Variants in ACIN1 observed in about 807,000 individuals in gnomAD.
ACIN1 encodes the protein apoptotic chromatin condensation inducer 1.
In ACIN1, 16 loss-of-function variants were observed where a neutral mutation model predicts 146.6. That is an observed-to-expected ratio of 0.11 (90% confidence interval 0.07 to 0.17). The LOEUF (loss-of-function observed/expected upper bound fraction) is 0.17. Ranked by LOEUF, ACIN1 falls within the 10% of genes least tolerant of loss-of-function variation. ACIN1 has a pLI of 1.00. For missense variants in ACIN1, 1,357 were observed against 1,609.3 expected, an observed-to-expected ratio of 0.84 and a Z score of 2.68; for synonymous variants, 569 against 582.7, an observed-to-expected ratio of 0.98 and a Z score of 0.34.
At chr14:23,095,422 C>A, upstream of ACIN1, 1 of 1,189,078 alleles carries the variant, frequency 8.4e-7, no homozygotes, top group Non-Finnish European at 1.2e-6. Flanking sequence ...TAACCATAAT[C>A]GGAGATGTTC....
chr14:23,064,908 A>AAAAAAG (rs2047403192), intron 10 of ACIN1, among the ~76,000 whole-genome samples: 1 of 151,832 alleles, frequency 6.6e-6, no homozygotes, highest in South Asian at 2.1e-4. Context: ...AAAAAAAAAA[A>AAAAAAG]AGAAAAGAAA....
chr14:23,063,597 C>A lies in ACIN1; in HGVS notation c.2596-20G>T, dbSNP rs1421477172. 2 of 1,613,534 alleles carry A rather than the reference C, an allele frequency of 1.2e-6. No individual in the cohort carries two copies. Among genetic ancestry groups the A allele is most frequent in the East Asian group, 4.5e-5 (2 of 44,898 alleles). On this transcript the variant is annotated intron_variant, in intron 12 of 18. Transcript: ENST00000605057. ...TACTACCTATCAAGGTGTCAGAGAACACAGCAGGTCTGTTAAACACCAAAC... is the reference window on the plus strand; with the variant it reads ...TACTACCTATCAAGGTGTCAGAGAAAACAGCAGGTCTGTTAAACACCAAAC...
intron 4 of ACIN1, among the ~76,000 whole-genome samples, chr14:23,084,224 G>C (rs754112841): frequency 6.6e-5 from 10 of 152,158 alleles, no homozygotes; most frequent in Non-Finnish European, 1.3e-4. Flanking sequence ...TGGGATTACA[G>C]GTGTAAGCCA....
intron 8 of ACIN1, among the ~76,000 whole-genome samples, chr14:23,070,199 G>T (rs935773919): frequency 6.6e-6 from 1 of 151,192 alleles, no homozygotes; most frequent in African/African-American, 2.4e-5. Flanking sequence ...AAAATGGTGG[G>T]GGGTGGGGGG....
At chr14:23,086,487 G>A (rs1594782690) in intron 4 of ACIN1, among the ~76,000 whole-genome samples, 1 of 152,138 alleles carries the variant, frequency 6.6e-6, no homozygotes, top group African/African-American at 2.4e-5. Context: ...GAAAGTGATG[G>A]AGACATAAGA....
At chr14:23,063,701 C>G (rs1433939797) in intron 12 of ACIN1, 124 bp from the exon 13 acceptor site, 4 of 1,142,256 alleles carry the variant, frequency 3.5e-6, no homozygotes, top group Non-Finnish European at 5.0e-6. Flanking sequence ...AGGGGTATTT[C>G]GTTATCGGCT....
At chr14:23,082,437 A>ATTTTTTTTTTTT (rs11378976) in intron 4 of ACIN1, among the ~76,000 whole-genome samples, 1 of 95,818 alleles carries the variant, frequency 1.0e-5, no homozygotes, top group Non-Finnish European at 2.0e-5. Flanking sequence ...AGAGCTCAAT[A>ATTTTTTTTTTTT]TTTTTTTTTT....
upstream of ACIN1, chr14:23,095,512 G>C (rs1056737971): frequency 5.2e-6 from 3 of 574,970 alleles, no homozygotes; most frequent in South Asian, 2.3e-5. Context: ...TGCGTGGGCT[G>C]CCGGGCTGGC....
chr14:23,061,333 C>T lies in ACIN1; in HGVS notation c.3389G>A (p.Arg1130His), dbSNP rs201109870. The T allele has an allele frequency of 3.1e-6, 5 of 1,613,992 alleles. No individual in the cohort carries two copies. The highest frequency in any genetic ancestry group is 2.5e-6 in the Non-Finnish European group (3 of 1,180,026). The change falls in exon 17 of 19, where the codon CGT (arginine) becomes CAT (histidine). Residue 1130 changes from arginine (R) to histidine (H), a missense_variant. Arg to His is a conservative substitution (Grantham distance 29, BLOSUM62 0). This residue lies in a region of ACIN1 where 509 missense variants were observed against 719.6 expected (regional missense o/e 0.71). Coordinates refer to ENST00000605057, the MANE Select transcript of ACIN1 (RefSeq NM_001386863.1). ...SRSRDRRRKERAKSKEKKSEK... is the reference protein window; with the variant it reads ...SRSRDRRRKEHAKSKEKKSEK... The stretch of plus-strand genomic sequence containing the variant: ...ACTCTTCTTTTCTTTAGACTTCGCA[C>T]GTTCCTTGCGGCGGCGGTCACGGGA...
chr14:23,085,577 T>C (rs951728238), intron 4 of ACIN1, among the ~76,000 whole-genome samples: 4 of 152,172 alleles, frequency 2.6e-5, no homozygotes, highest in African/African-American at 9.7e-5. Flanking sequence ...ACAGGGCTGT[T>C]CAGAAAGTTC....
In ACIN1 at chr14:23,058,685, G is replaced by C. The variant is rs1288463514; in HGVS notation, c.*463C>G. 2 of 169,404 alleles carry C rather than the reference G, an allele frequency of 1.2e-5. No homozygotes were observed. The highest frequency in any genetic ancestry group is 2.4e-5 in the African/African-American group (1 of 42,034). 10.5% of individuals were successfully genotyped at this position (169,404 alleles called of 1,614,324 possible). On this transcript the variant is annotated 3_prime_UTR_variant, in exon 19 of 19. Transcript: ENST00000605057. The stretch of plus-strand genomic sequence containing the variant: ...GATATAAAGTGGAACCTGTGGGAAA[G>C]AGGCAAGGGCTGCAGGACAGAAGAG...
Position 23,067,090 on chromosome 14 carries a change from A to AC in ACIN1, c.2266-1083dup, listed in dbSNP as rs1311713440. ...TTGGTCTCTGTTAAGGGCCAGCCTG[A>AC]CCCCTAGCTGGGCCGCTCTCGATGG... On this transcript the variant is annotated intron_variant, in intron 9 of 18. Coordinates refer to ENST00000605057, the MANE Select transcript of ACIN1 (RefSeq NM_001386863.1). This position sits in a 1 kb window ranked among gnomAD's most constrained non-coding sequence, Gnocchi z 4.6. Among the ~76,000 whole-genome samples, 5 of 150,456 alleles carry AC rather than the reference A, an allele frequency of 3.3e-5. No individual in the cohort carries two copies. Among genetic ancestry groups the AC allele is most frequent in the Admixed American group, 3.3e-4 (5 of 15,072 alleles).
chr14:23,069,641 TG>T (rs539553201), intron 8 of ACIN1, 24 bp from the exon 9 acceptor site: 16 of 309,156 alleles, frequency 5.2e-5, no homozygotes, highest in Non-Finnish European at 7.5e-5. Flanking sequence ...GGAGTGGTGG[TG>T]GGGGGGCGGG....
chr14:23,067,815 AG>A lies in ACIN1; in HGVS notation c.2265+1660del, dbSNP rs1036217672. The A allele has an allele frequency of 2.4e-5, 24 of 985,596 alleles. 1 individual carries two copies. The highest frequency in any genetic ancestry group is 2.8e-5 in the Non-Finnish European group (23 of 829,942). The allele number at this position is 985,596 out of a possible 1,614,324, so 61.1% of individuals were successfully genotyped here. A position where few individuals can be genotyped will look rare whatever the true frequency, so the allele number is the denominator to read the frequency against. On this transcript the variant is annotated intron_variant, in intron 9 of 18. Transcript: ENST00000605057. The surrounding 1 kb of genome is among the most constrained non-coding windows in gnomAD (Gnocchi z 4.6). ...CTTTCTCCTCTGCCTGTAACTGGGG[AG>A]GGGGTCCTCTCACCGAGTGGGATCA...
chr14:23,084,096 G>GC (rs1437410518), intron 4 of ACIN1, among the ~76,000 whole-genome samples: 1 of 151,852 alleles, frequency 6.6e-6, no homozygotes. Context: ...ACAGGCGCCC[G>GC]CCACCACGCC....
chr14:23,094,603 G>A, intron 1 of ACIN1: 1 of 912,424 alleles, frequency 1.1e-6, no homozygotes, highest in Non-Finnish European at 1.3e-6. Flanking sequence ...CTCCGACCCA[G>A]CCCAACTCGC....
At chr14:23,062,337 C>CA (rs2047316238) in intron 15 of ACIN1, 62 bp from the exon 16 acceptor site, 16 of 1,599,478 alleles carry the variant, frequency 1.0e-5, no homozygotes, top group Non-Finnish European at 1.4e-5. Flanking sequence ...CCACGTGCTG[C>CA]AACACCCTTA....
At chr14:23,066,074 A>T in intron 9 of ACIN1, 66 bp from the exon 10 acceptor site, 3 of 1,353,790 alleles carry the variant, frequency 2.2e-6, no homozygotes, top group Admixed American at 3.4e-5. Flanking sequence ...GGGGGGAAGG[A>T]GGTTAGATGG....
chr14:23,063,124 CTT>C (rs1280205214), intron 13 of ACIN1, 50 bp from the exon 14 acceptor site: 2 of 1,532,928 alleles, frequency 1.3e-6, no homozygotes, highest in African/African-American at 2.8e-5. Context: ...AATACTGGCT[CTT>C]TTCACCCTCA....
Sources: allele counts gnomAD v4.1 joint callset (sites outside exome capture counted in the v4.1 genomes callset), GRCh38; gene constraint gnomAD v4.1.1; regional missense constraint gnomAD v4.1.1; non-coding constraint Gnocchi (gnomAD v3.1); transcripts MANE v1.5; gene names NCBI Gene and HGNC (gene_info 2026-07-23, HGNC 2026-07-21).